The following TMIGD2 variants were observed in gnomAD, a reference collection of about 807,000 sequenced individuals.
The protein encoded by TMIGD2 is transmembrane and immunoglobulin domain-containing protein 2.
A neutral mutation model predicts 22.6 loss-of-function variants in TMIGD2; 18 were observed. The observed-to-expected ratio is 0.80, with a 90% CI of 0.55 to 1.18. The LOEUF (loss-of-function observed/expected upper bound fraction) is 1.18, where lower values mean the gene tolerates loss of function less well. TMIGD2 is among the 50% of genes most tolerant of loss of function. The pLI, the probability that TMIGD2 is intolerant of heterozygous loss-of-function variation, is 0.00. For synonymous variants in TMIGD2, 184 were observed against 154.1 expected, an observed-to-expected ratio of 1.19 and a Z score of -1.44; for missense variants, 361 against 378.2, an observed-to-expected ratio of 0.95 and a Z score of 0.38.
rs201889741 is a variant in TMIGD2, at chr19:4,292,922, G to C, written c.563-37C>G. On this transcript the variant is annotated intron_variant, in intron 4 of 4. Coordinates refer to ENST00000301272, the Ensembl canonical transcript of TMIGD2. ...GACACAGACCAAGAGGATCACTTAA[G>C]AGAGTCCTGCCCTCTCCAGCTGACC... 26 of 1,610,896 alleles carry C rather than the reference G, an allele frequency of 1.6e-5. No individual in the cohort carries two copies. In the East Asian group the frequency reaches 5.6e-4, roughly 35 times the overall value.
chr19:4,299,802 C>T (rs1971511220), intron 1 of TMIGD2, among the ~76,000 whole-genome samples: 1 of 151,374 alleles, frequency 6.6e-6, no homozygotes, highest in Non-Finnish European at 1.5e-5. Context: ...AGGAGAATCA[C>T]TTGAATCCGA....
intron 1 of TMIGD2, 105 bp downstream of exon 1, chr19:4,302,235 G>A: frequency 8.0e-7 from 1 of 1,250,916 alleles, no homozygotes; most frequent in South Asian, 1.5e-5. Flanking sequence ...GGCCTTATCT[G>A]ACAGTAGAGA....
chr19:4,296,721 C>A (rs1212869127), intron 2 of TMIGD2, among the ~76,000 whole-genome samples: 1 of 152,118 alleles, frequency 6.6e-6, no homozygotes, highest in Admixed American at 6.6e-5. Context: ...TGTCCCCCGC[C>A]AGCAGGCTGG....
chr19:4,297,850 C>T, intron 2 of TMIGD2, 136 bp downstream of exon 2: 1 of 1,227,744 alleles, frequency 8.1e-7, no homozygotes, highest in African/African-American at 2.1e-5. Flanking sequence ...GAGCAAGACT[C>T]TGTCTCTTAA....
At chr19:4,292,539 G>T in exon 5 of TMIGD2, 1 of 1,528,756 alleles carries the variant, frequency 6.5e-7, no homozygotes, top group South Asian at 1.1e-5. Context: ...GTCTGGCCTC[G>T]ATCCCCCCTT....
At chr19:4,292,809 C>T in exon 5 of TMIGD2, 1 of 1,613,584 alleles carries the variant, frequency 6.2e-7, no homozygotes, top group Non-Finnish European at 8.5e-7. Flanking sequence ...TCTGGTCCTT[C>T]CCCTCTCCAG....
chr19:4,294,658 C>A (rs1236827921), exon 4 of TMIGD2: 4 of 1,596,042 alleles, frequency 2.5e-6, no homozygotes, highest in Non-Finnish European at 3.4e-6. Flanking sequence ...TGCTTCCCAC[C>A]CCCAGCAGCA....
At chr19:4,298,301 A>G (rs759701263) in exon 2 of TMIGD2, 1 of 1,603,510 alleles carries the variant, frequency 6.2e-7, no homozygotes, top group East Asian at 2.2e-5. Context: ...ACCTGCAGCA[A>G]GTTGGGCCCC....
chr19:4,294,852 G>A (rs370648784), intron 2 of TMIGD2, 36 bp from the exon 3 acceptor site: 4 of 1,535,204 alleles, frequency 2.6e-6, no homozygotes, highest in Non-Finnish European at 3.5e-6. Context: ...GGGGTGCCAG[G>A]CTTCTCCACC....
chr19:4,301,319 T>G (rs1465082040), intron 1 of TMIGD2, among the ~76,000 whole-genome samples: 1 of 152,094 alleles, frequency 6.6e-6, no homozygotes, highest in African/African-American at 2.4e-5. Flanking sequence ...ACTGGGTGAT[T>G]GCTTGAGGCC....
chr19:4,295,319 G>T (rs1373549671), intron 2 of TMIGD2, among the ~76,000 whole-genome samples: 1 of 148,538 alleles, frequency 6.7e-6, no homozygotes, highest in Non-Finnish European at 1.5e-5. Context: ...TTAGCACTTT[G>T]GGAGACCGAG....
chr19:4,300,062 A>C (rs930509914), intron 1 of TMIGD2, among the ~76,000 whole-genome samples: 9 of 150,216 alleles, frequency 6.0e-5, no homozygotes, highest in African/African-American at 2.0e-4. Context: ...GGAGTTCAAG[A>C]CCAGCCTGGC....
chr19:4,298,488 G>C, intron 1 of TMIGD2, 143 bp from the exon 2 acceptor site: 1 of 1,301,626 alleles, frequency 7.7e-7, no homozygotes, highest in Non-Finnish European at 1.0e-6. Flanking sequence ...TGTAGTCCCA[G>C]CACTTTGGAA....
rs1286739132 is a variant in TMIGD2 at position 4,294,652 on chromosome 19, TC to T, written c.476del (p.Gly159GlufsTer137). The T allele has an allele frequency of 6.3e-7, 1 of 1,599,346 alleles. No individual in the cohort carries two copies. The highest frequency in any genetic ancestry group is 1.3e-5 in the African/African-American group (1 of 74,324). On this transcript the variant is annotated frameshift_variant, in exon 4 of 5. Coordinates refer to ENST00000301272, the Ensembl canonical transcript of TMIGD2. LOFTEE classifies it high-confidence loss of function. The stretch of plus-strand genomic sequence containing the variant: ...ACACGATCGCAGCCACACCCATGCT[TC>T]CCACCCCCAGCAGCACGAAGAGGAA...
chr19:4,292,532 TG>T, exon 5 of TMIGD2: 1 of 1,489,986 alleles, frequency 6.7e-7, no homozygotes, highest in Non-Finnish European at 9.3e-7. Context: ...CCACCGTGTC[TG>T]GCCTCGATCC....
At position 4,298,124 on chromosome 19, in the gene TMIGD2, G is replaced by A. The variant is rs992713129; in HGVS notation, c.268C>T (p.Gln90Ter). Reference sequence around the variant, plus strand: ...TGCAGGGTGAGATGGCTGGGTGCCTGCCAGGAGAGCCGTCCCTGGGGCCCG... The same window carrying A: ...TGCAGGGTGAGATGGCTGGGTGCCTACCAGGAGAGCCGTCCCTGGGGCCCG... The change falls in exon 2 of 5, where the codon CAG becomes TAG. Residue 90 changes from glutamine (Q) to a stop codon, truncating the protein, a stop_gained. Transcript: ENST00000301272. LOFTEE classifies it high-confidence loss of function. 2 of 1,613,452 alleles carry A rather than the reference G, an allele frequency of 1.2e-6. No individual in the cohort carries two copies. The highest frequency in any genetic ancestry group is 1.7e-6 in the Non-Finnish European group (2 of 1,180,002).
intron 1 of TMIGD2, among the ~76,000 whole-genome samples, chr19:4,300,623 T>C (rs1971524454): frequency 6.6e-6 from 1 of 152,184 alleles, no homozygotes; most frequent in Admixed American, 6.5e-5. Flanking sequence ...CCCAAATTAC[T>C]GGTGTTACAA....
At chr19:4,298,598 T>C (rs1050868737) in intron 1 of TMIGD2, among the ~76,000 whole-genome samples, 5 of 151,992 alleles carry the variant, frequency 3.3e-5, no homozygotes, top group Non-Finnish European at 7.4e-5. Context: ...AGTAGCTGGG[T>C]ATGGTGGCGT....
intron 1 of TMIGD2, among the ~76,000 whole-genome samples, chr19:4,301,822 A>G (rs966110723): frequency 6.6e-6 from 1 of 152,234 alleles, no homozygotes; most frequent in Non-Finnish European, 1.5e-5. Flanking sequence ...GGAAACACAG[A>G]GGGAGCTGCT....
Sources: gnomAD v4.1 joint callset for allele counts (sites outside exome capture counted in the v4.1 genomes callset) on GRCh38, gnomAD v4.1.1 for gene constraint, MANE v1.5 for transcripts, NCBI Gene and HGNC (gene_info 2026-07-23, HGNC 2026-07-21) for gene names.